Variants in VPS8 observed in about 807,000 individuals in gnomAD.
VPS8 encodes VPS8 subunit of CORVET complex.
VPS8 carries 129 observed loss-of-function variants against 216.4 expected under a neutral mutation model. The ratio of observed to expected loss-of-function variants is 0.60; its 90% CI spans 0.52 to 0.69. VPS8 has a LOEUF of 0.69. VPS8 is among the 30% of genes least tolerant of loss of function. VPS8 has a pLI of 0.00. For synonymous variants in VPS8, 571 were observed against 565.4 expected (o/e 1.01, Z -0.14); for missense variants, 1,531 against 1,683.5 (o/e 0.91, Z 1.59).
At position 184,894,684 on chromosome 3, in the gene VPS8, C is replaced by A; in HGVS notation, c.1782-19C>A. The A allele has an allele frequency of 1.3e-6, 2 of 1,552,180 alleles. No individual in the cohort carries two copies. Among genetic ancestry groups the A allele is most frequent in the South Asian group, 1.2e-5 (1 of 84,328 alleles). ...TTGGCATGTTCCTAAAAGTTTTTCT[C>A]CCCCCCTTTCTGTTACAGGGATCTT... On this transcript the variant is annotated intron_variant, in intron 22 of 47. Transcript: ENST00000625842.
chr3:185,042,283 A>G (rs1382278499), intron 46 of VPS8, among the ~76,000 whole-genome samples: 1 of 152,192 alleles, frequency 6.6e-6, no homozygotes, highest in Non-Finnish European at 1.5e-5. Flanking sequence ...TAAATCAGCC[A>G]CGTATTTTTG....
chr3:184,945,194 A>T (rs548824011), intron 36 of VPS8, among the ~76,000 whole-genome samples: 1 of 151,698 alleles, frequency 6.6e-6, no homozygotes, highest in Non-Finnish European at 1.5e-5. Context: ...TGTTTATTAC[A>T]TATATATTTC....
chr3:184,947,536 ATGT>A, intron 36 of VPS8, among the ~76,000 whole-genome samples: 1 of 151,282 alleles, frequency 6.6e-6, no homozygotes, highest in South Asian at 2.1e-4. Flanking sequence ...TCAGGAGGTG[ATGT>A]TGTGGGCAGG....
In VPS8 at chr3:184,965,616, C is replaced by T. The variant is rs147742052; in HGVS notation, c.3274-1055C>T. 2.5e-3 allele frequency among the ~76,000 whole-genome samples: 378 copies of T among 152,254 alleles called. 2 individuals are homozygous for T. The highest frequency in any genetic ancestry group is 0.019 in the Admixed American group (286 of 15,290). On this transcript the variant is annotated intron_variant, in intron 38 of 47. Coordinates refer to ENST00000625842, the MANE Select transcript of VPS8 (RefSeq NM_001009921.3). ...AGATTTGGACAGATTTTGTTGGACACGCTAAAGAATTGTAGCTAGTCTTCT... is the reference window on the plus strand; with the variant it reads ...AGATTTGGACAGATTTTGTTGGACATGCTAAAGAATTGTAGCTAGTCTTCT...
In VPS8 at chr3:184,938,304, G is replaced by A. The variant is rs559307808; in HGVS notation, c.2989-1893G>A. Among the ~76,000 whole-genome samples the A allele has an allele frequency of 5.3e-5, 8 of 152,310 alleles. No homozygotes were observed. In the South Asian group the frequency reaches 1.7e-3, roughly 32 times the overall value. On this transcript the variant is annotated intron_variant, in intron 35 of 47. Coordinates refer to ENST00000625842, the MANE Select transcript of VPS8 (RefSeq NM_001009921.3). ...TCACCGATTAATTCAATAAATACCT[G>A]CTCTGGGCCAAAAACATTAAGTGCT...
chr3:184,897,393 A>G (rs1733702585), intron 23 of VPS8, among the ~76,000 whole-genome samples: 1 of 152,218 alleles, frequency 6.6e-6, no homozygotes, highest in Admixed American at 6.5e-5. Context: ...AAACAGGGTG[A>G]ATAGTGAGTG....
intron 45 of VPS8, among the ~76,000 whole-genome samples, chr3:185,011,400 C>T (rs1755001810): frequency 6.6e-6 from 1 of 152,154 alleles, no homozygotes; most frequent in Admixed American, 6.5e-5. Context: ...ATCATTCTTA[C>T]TGGGATGAAG....
chr3:184,866,854 T>C, intron 16 of VPS8, 22 bp from the exon 17 acceptor site: 2 of 1,601,332 alleles, frequency 1.2e-6, no homozygotes, highest in South Asian at 1.1e-5. Flanking sequence ...TTACCTTTTT[T>C]GTATGTATGT....
intron 45 of VPS8, among the ~76,000 whole-genome samples, chr3:185,019,336 G>C (rs540650896): frequency 6.6e-6 from 1 of 151,804 alleles, no homozygotes; most frequent in Non-Finnish European, 1.5e-5. Context: ...AGCGGCACTA[G>C]AGGAATTAAA....
chr3:185,004,195 G>A (rs1753880316), intron 45 of VPS8, among the ~76,000 whole-genome samples: 1 of 151,278 alleles, frequency 6.6e-6, no homozygotes, highest in South Asian at 2.1e-4. Flanking sequence ...GCACCATTGA[G>A]CAGTGAGTGA....
At chr3:184,835,508 ACTTTT>A (rs1720866650) in intron 5 of VPS8, among the ~76,000 whole-genome samples, 1 of 152,100 alleles carries the variant, frequency 6.6e-6, no homozygotes, top group Non-Finnish European at 1.5e-5. Flanking sequence ...ACACTATCAG[ACTTTT>A]CTTTTGACCC....
chr3:184,857,899 A>G (rs1482842090), intron 14 of VPS8, among the ~76,000 whole-genome samples: 2 of 152,224 alleles, frequency 1.3e-5, no homozygotes, highest in Non-Finnish European at 1.5e-5. Flanking sequence ...TCCCATGTTC[A>G]TTTTACCAAA....
At chr3:184,905,954 A>G (rs919230412) in intron 25 of VPS8, among the ~76,000 whole-genome samples, 2 of 152,270 alleles carry the variant, frequency 1.3e-5, no homozygotes, top group African/African-American at 2.4e-5. Flanking sequence ...CAATCTTTCT[A>G]TAGAGCAGTT....
At chr3:184,880,006 G>C (rs1730002991) in intron 21 of VPS8, among the ~76,000 whole-genome samples, 1 of 152,196 alleles carries the variant, frequency 6.6e-6, no homozygotes, top group Non-Finnish European at 1.5e-5. Context: ...CAGATTGAAA[G>C]TGTTAATTTG....
At chr3:184,884,837 C>G (rs1343254090) in intron 21 of VPS8, among the ~76,000 whole-genome samples, 2 of 152,178 alleles carry the variant, frequency 1.3e-5, no homozygotes, top group Non-Finnish European at 2.9e-5. Flanking sequence ...TCCCTTTTCA[C>G]TTTTGGACCT....
intron 47 of VPS8, among the ~76,000 whole-genome samples, chr3:185,048,930 T>C (rs1265669391): frequency 2.0e-5 from 3 of 152,178 alleles, no homozygotes; most frequent in Non-Finnish European, 4.4e-5. Flanking sequence ...TCTGCACTGG[T>C]TGAATTAGTT....
rs536753101 is a variant in VPS8 at position 184,836,799 on chromosome 3, A to C, written c.448-1915A>C. ...ATTAGGGCTGTTTGGGGCCTTGATC[A>C]CAGTTTTGGGATTCATGCATGGAAA... On this transcript the variant is annotated intron_variant, in intron 5 of 47. Transcript: ENST00000625842. 3.9e-5 allele frequency among the ~76,000 whole-genome samples: 6 copies of C among 152,318 alleles called. No individual in the cohort carries two copies. The South Asian group carries it at 1.2e-3, about 32-fold the overall frequency.
chr3:184,816,788 T>TTGGGTGTG (rs1178861899), intron 1 of VPS8, among the ~76,000 whole-genome samples: 2 of 152,108 alleles, frequency 1.3e-5, no homozygotes, highest in Non-Finnish European at 2.9e-5. Context: ...CGTGAACTGC[T>TTGGGTGTG]TGGGTGTGAG....
At chr3:185,023,628 A>T (rs1309581408) in intron 45 of VPS8, among the ~76,000 whole-genome samples, 1 of 152,208 alleles carries the variant, frequency 6.6e-6, no homozygotes, top group Non-Finnish European at 1.5e-5. Flanking sequence ...ATTGCACTCC[A>T]GCCTGAGCAA....
Sources: allele counts gnomAD v4.1 joint callset (sites outside exome capture counted in the v4.1 genomes callset), GRCh38; gene constraint gnomAD v4.1.1; transcripts MANE v1.5; gene names NCBI Gene and HGNC (gene_info 2026-07-23, HGNC 2026-07-21).